The following TAOK3 variants were observed in gnomAD, a reference collection of about 807,000 sequenced individuals.
TAOK3 encodes the protein TAO kinase 3.
A neutral mutation model predicts 120.4 loss-of-function variants in TAOK3; 40 were observed. That is an observed-to-expected ratio of 0.33 (90% CI 0.26 to 0.43). The LOEUF is 0.43. Ranked by LOEUF, TAOK3 falls within the 20% of genes least tolerant of loss-of-function variation. The pLI, the probability that TAOK3 is intolerant of heterozygous loss-of-function variation, is 1.00. For missense variants in TAOK3, 821 were observed against 1,112.1 expected (o/e 0.74, Z 3.72); for synonymous variants, 355 against 387.5 (o/e 0.92, Z 0.99).
chr12:118,356,978 T>C (rs973453136), intron 1 of TAOK3, among the ~76,000 whole-genome samples: 4 of 152,124 alleles, frequency 2.6e-5, no homozygotes, highest in Non-Finnish European at 4.4e-5. Flanking sequence ...ACTAGGTTGG[T>C]TGGTAACATA....
chr12:118,302,933 C>T (rs2042929853), intron 1 of TAOK3, among the ~76,000 whole-genome samples: 1 of 152,080 alleles, frequency 6.6e-6, no homozygotes, highest in Non-Finnish European at 1.5e-5. Flanking sequence ...TGGAACCGTG[C>T]ACTATTCTAT....
chr12:118,297,395 G>C (rs1375002484), intron 1 of TAOK3, among the ~76,000 whole-genome samples: 1 of 152,108 alleles, frequency 6.6e-6, no homozygotes, highest in South Asian at 2.1e-4. Context: ...GCTACTTTTT[G>C]TTGTACTTCA....
chr12:118,257,613 C>T (rs1008548690), intron 2 of TAOK3, among the ~76,000 whole-genome samples: 9 of 151,058 alleles, frequency 6.0e-5, no homozygotes, highest in African/African-American at 2.2e-4. Context: ...TGGTTATTGG[C>T]CAATAAAACT....
chr12:118,219,626 G>T (rs771218809), intron 9 of TAOK3, among the ~76,000 whole-genome samples: 22 of 151,964 alleles, frequency 1.4e-4, no homozygotes, highest in Middle Eastern at 6.8e-3. Flanking sequence ...TTGAGACAGG[G>T]TCTTACTCTG....
intron 1 of TAOK3, among the ~76,000 whole-genome samples, chr12:118,284,271 G>A (rs537740675): frequency 6.6e-6 from 1 of 152,264 alleles, no homozygotes; most frequent in Admixed American, 6.5e-5. Flanking sequence ...GACTAGAGCA[G>A]GGAGGTCAGG....
intron 1 of TAOK3, among the ~76,000 whole-genome samples, chr12:118,353,544 C>T (rs773065170): frequency 1.3e-5 from 2 of 152,006 alleles, no homozygotes; most frequent in African/African-American, 4.8e-5. Context: ...ACCACTGAAG[C>T]TCTCTGAAAA....
Position 118,238,235 on chromosome 12 carries a change from C to T in TAOK3, c.341-66G>A, listed in dbSNP as rs918691170. On this transcript the variant is annotated intron_variant, in intron 6 of 20. Transcript: ENST00000392533. ...TCATTCCTCATTTTATTATTTTATA[C>T]AGCTATACCAGACTGGGTTACATAC... The T allele has an allele frequency of 5.0e-5, 46 of 920,338 alleles. No individual in the cohort carries two copies. In the East Asian group the frequency reaches 1.0e-3, roughly 20 times the overall value. The allele number at this position is 920,338 out of a possible 1,614,324, so 57.0% of individuals were successfully genotyped here. A position where few individuals can be genotyped will look rare whatever the true frequency, so the allele number is the denominator to read the frequency against.
intron 7 of TAOK3, among the ~76,000 whole-genome samples, chr12:118,237,319 C>T (rs530735232): frequency 4.5e-4 from 69 of 152,214 alleles, no homozygotes; most frequent in South Asian, 3.3e-3. Context: ...ATTCTTCATA[C>T]CTAATATTTC....
intron 1 of TAOK3, among the ~76,000 whole-genome samples, chr12:118,364,910 C>G (rs994767224): frequency 1.3e-5 from 2 of 152,162 alleles, no homozygotes; most frequent in East Asian, 3.9e-4. Context: ...ATTTCAAAAA[C>G]ATAATAAACA....
In TAOK3 at chr12:118,160,035, C is replaced by T. The variant is rs922965606; in HGVS notation, c.2352+111G>A. 2 of 945,376 alleles carry T rather than the reference C, an allele frequency of 2.1e-6. No homozygotes were observed. Among genetic ancestry groups the T allele is most frequent in the Non-Finnish European group, 3.3e-6 (2 of 599,000 alleles). The allele number at this position is 945,376 out of a possible 1,614,324, so 58.6% of individuals were successfully genotyped here. On this transcript the variant is annotated intron_variant, in intron 19 of 20. Coordinates refer to ENST00000392533, the MANE Select transcript of TAOK3 (RefSeq NM_016281.4). The surrounding 1 kb of genome is among the most constrained non-coding windows in gnomAD (Gnocchi z 4.2). The stretch of plus-strand genomic sequence containing the variant: ...TTCCTCAGTCCTTTGGGCAGAAAAA[C>T]ATCAATATCCTAAATTTGTGCAAGA...
At chr12:118,269,121 C>CTCTT (rs971733750) in intron 1 of TAOK3, among the ~76,000 whole-genome samples, 5 of 151,772 alleles carry the variant, frequency 3.3e-5, no homozygotes, top group East Asian at 1.9e-4. Flanking sequence ...AGTTTTCTTT[C>CTCTT]TCTTTCTTTC....
intron 1 of TAOK3, among the ~76,000 whole-genome samples, chr12:118,302,177 T>C (rs1201832538): frequency 6.6e-6 from 1 of 152,214 alleles, no homozygotes; most frequent in Non-Finnish European, 1.5e-5. Context: ...CAGGGTGACC[T>C]GTACTATCCA....
chr12:118,204,844 ACATGGCAAACCCC>A (rs1261189526), intron 11 of TAOK3, among the ~76,000 whole-genome samples: 1 of 152,144 alleles, frequency 6.6e-6, no homozygotes. Flanking sequence ...TGCCTGGCCA[ACATGGCAAACCCC>A]CATCTCTACT....
In TAOK3 at chr12:118,241,909, G is replaced by A. The variant is rs540481445; in HGVS notation, c.294+1506C>T. Among the ~76,000 whole-genome samples, 8 of 152,070 alleles carry A rather than the reference G, an allele frequency of 5.3e-5. No homozygotes were observed. The South Asian group carries it at 1.2e-3, about 24-fold the overall frequency. On this transcript the variant is annotated intron_variant, in intron 5 of 20. Coordinates refer to ENST00000392533, the MANE Select transcript of TAOK3 (RefSeq NM_016281.4). ...GCGGATCACCTGAGGTCGGGAGTTC[G>A]AGACCAGCCTGACCAACATGGAGAA...
At chr12:118,223,062 CTTTTTTTTTTTTTT>C (rs75334511) in intron 9 of TAOK3, among the ~76,000 whole-genome samples, 23 of 120,092 alleles carry the variant, frequency 1.9e-4, no homozygotes, top group Non-Finnish European at 2.5e-4. Context: ...TTCTTTCTTT[CTTTTTTTTTTTTTT>C]TTTTTTTTTT....
chr12:118,371,983 C>CT lies in TAOK3; in HGVS notation c.-194+664dup, dbSNP rs1291944290. Reference sequence around the variant, plus strand: ...TCTAGGTGTCCTGCTCTCAGCCCCGCTGTCTCAGCCCAGCCCCCTTCCGGG... The same window carrying CT: ...TCTAGGTGTCCTGCTCTCAGCCCCGCTTGTCTCAGCCCAGCCCCCTTCCGGG... On this transcript the variant is annotated intron_variant, in intron 1 of 20. Coordinates refer to ENST00000392533, the MANE Select transcript of TAOK3 (RefSeq NM_016281.4). This position sits in a 1 kb window ranked among gnomAD's most constrained non-coding sequence, Gnocchi z 5.5. Among the ~76,000 whole-genome samples the CT allele has an allele frequency of 1.3e-5, 2 of 151,618 alleles. No homozygotes were observed. The highest frequency in any genetic ancestry group is 3.9e-4 in the East Asian group (2 of 5,100).
intron 1 of TAOK3, among the ~76,000 whole-genome samples, chr12:118,346,695 A>T (rs565075468): frequency 6.6e-6 from 1 of 152,344 alleles, no homozygotes; most frequent in East Asian, 1.9e-4. Flanking sequence ...TTTGGCAGGC[A>T]AATGCATTTA....
At chr12:118,311,777 A>G (rs1356979997) in intron 1 of TAOK3, among the ~76,000 whole-genome samples, 1 of 152,234 alleles carries the variant, frequency 6.6e-6, no homozygotes, top group Admixed American at 6.5e-5. Context: ...ACATACTGCC[A>G]ATAAACTTTA....
At chr12:118,166,325 G>C (rs1419045015) in intron 17 of TAOK3, among the ~76,000 whole-genome samples, 1 of 152,124 alleles carries the variant, frequency 6.6e-6, no homozygotes, top group African/African-American at 2.4e-5. Flanking sequence ...GATCAGCTGA[G>C]GTCAGGAGTT....
Sources: gnomAD v4.1 joint callset for allele counts (sites outside exome capture counted in the v4.1 genomes callset) on GRCh38, gnomAD v4.1.1 for gene constraint, Gnocchi (gnomAD v3.1) non-coding constraint, MANE v1.5 for transcripts, NCBI Gene and HGNC (gene_info 2026-07-23, HGNC 2026-07-21) for gene names.